The following MAP2 variants were observed in gnomAD, a reference collection of about 807,000 sequenced individuals.
MAP2 encodes microtubule associated protein 2, also known as microtubule-associated protein 2.
A neutral mutation model predicts 137.6 loss-of-function variants in MAP2; 14 were observed. The ratio of observed to expected loss-of-function variants is 0.10; its 90% CI spans 0.07 to 0.16. The LOEUF (loss-of-function observed/expected upper bound fraction) is 0.16. Among genes scored for constraint, MAP2 ranks in the 10% least tolerant of loss-of-function variants. The pLI is 1.00. For missense variants in MAP2, 2,088 were observed against 2,191.5 expected (o/e 0.95, Z 0.94); for synonymous variants, 786 against 782.3 (o/e 1.00, Z -0.08).
intron 2 of MAP2, among the ~76,000 whole-genome samples, chr2:209,510,747 T>G (rs1280870649): frequency 1.3e-5 from 2 of 152,094 alleles, no homozygotes; most frequent in Non-Finnish European, 2.9e-5. Context: ...CATAACTTGT[T>G]TTTAGATAGA....
intron 1 of MAP2, among the ~76,000 whole-genome samples, chr2:209,451,143 C>T (rs1700209911): frequency 6.6e-6 from 1 of 152,082 alleles, no homozygotes; most frequent in Non-Finnish European, 1.5e-5. Context: ...ATATAAGATA[C>T]ACCTAGATAC....
chr2:209,450,087 A>G (rs1233045107), intron 1 of MAP2, among the ~76,000 whole-genome samples: 1 of 152,106 alleles, frequency 6.6e-6, no homozygotes, highest in East Asian at 1.9e-4. Flanking sequence ...GACTACAGAC[A>G]TGTACCACCA....
At chr2:209,605,021 T>C (rs2084219704) in intron 3 of MAP2, among the ~76,000 whole-genome samples, 1 of 152,152 alleles carries the variant, frequency 6.6e-6, no homozygotes, top group African/African-American at 2.4e-5. Context: ...CACTGTGTTT[T>C]AGTTAGTGCA....
intron 10 of MAP2, among the ~76,000 whole-genome samples, chr2:209,699,505 G>A (rs1188587276): frequency 6.6e-6 from 1 of 152,178 alleles, no homozygotes; most frequent in Non-Finnish European, 1.5e-5. Flanking sequence ...CCTCAGGTAA[G>A]TCATCAACCA....
At chr2:209,573,298 G>GTTTT (rs71043941) in intron 2 of MAP2, among the ~76,000 whole-genome samples, 5 of 120,068 alleles carry the variant, frequency 4.2e-5, no homozygotes, top group Admixed American at 8.5e-5. Flanking sequence ...TTCTTTTTCT[G>GTTTT]TTTTTTTTTT....
At chr2:209,633,879 T>C (rs564884145) in intron 4 of MAP2, among the ~76,000 whole-genome samples, 60 of 152,274 alleles carry the variant, frequency 3.9e-4, no homozygotes, top group African/African-American at 1.4e-3. Context: ...AGACAAGACA[T>C]AGACCCTTTG....
chr2:209,584,538 G>A lies in MAP2; in HGVS notation c.-107+4438G>A, dbSNP rs566500274. Among the ~76,000 whole-genome samples the A allele has an allele frequency of 2.0e-5, 3 of 152,238 alleles. No homozygotes were observed. The South Asian group carries it at 6.2e-4, about 32-fold the overall frequency. The stretch of plus-strand genomic sequence containing the variant: ...ATGGCTTTGAATGCCAGTCAAGGAG[G>A]TTTGTTTCTTATTCAGTGGGAAGCT... On this transcript the variant is annotated intron_variant, in intron 3 of 15. Transcript: ENST00000682079.
chr2:209,586,195 C>G (rs1858141), intron 3 of MAP2, among the ~76,000 whole-genome samples: 150,907 of 152,252 alleles, frequency 0.99, 74,798 homozygotes, highest in East Asian at 1. Flanking sequence ...GACTTCAGTG[C>G]GCTTTTGCTG....
intron 2 of MAP2, among the ~76,000 whole-genome samples, chr2:209,523,447 T>C (rs1306244537): frequency 1.3e-5 from 2 of 152,088 alleles, no homozygotes; most frequent in East Asian, 1.9e-4. Context: ...CTGTGTGCCC[T>C]TCTCTATTGC....
At chr2:209,719,562 A>G (rs920641032) in intron 13 of MAP2, among the ~76,000 whole-genome samples, 8 of 152,126 alleles carry the variant, frequency 5.3e-5, no homozygotes, top group South Asian at 2.1e-4. Flanking sequence ...TTCTGTTTCA[A>G]TCCTTTCCTA....
At chr2:209,596,770 A>C (rs1263155021) in intron 3 of MAP2, among the ~76,000 whole-genome samples, 1 of 152,242 alleles carries the variant, frequency 6.6e-6, no homozygotes, top group Non-Finnish European at 1.5e-5. Context: ...GCGCTAACTC[A>C]AAGCGAGTTC....
At chr2:209,712,315 T>C (rs938160346) in intron 13 of MAP2, among the ~76,000 whole-genome samples, 1 of 152,142 alleles carries the variant, frequency 6.6e-6, no homozygotes, top group Admixed American at 6.5e-5. Context: ...CCTTAGAGAT[T>C]ATGGTGGTTA....
rs376506465 is a variant in MAP2, at chr2:209,579,115, A to G, written c.-171-921A>G. On this transcript the variant is annotated intron_variant, in intron 2 of 15. Coordinates refer to ENST00000682079, the MANE Select transcript of MAP2 (RefSeq NM_001375505.1). The stretch of plus-strand genomic sequence containing the variant: ...TTAAAAATATTGTAATTATCTGCCA[A>G]TGACAAAACATCAACAAATCTCTGA... Among the ~76,000 whole-genome samples the G allele has an allele frequency of 1.3e-4, 20 of 152,310 alleles. No individual in the cohort carries two copies. In the East Asian group the frequency reaches 1.9e-3, roughly 15 times the overall value.
At chr2:209,569,681 T>C (rs539277981) in intron 2 of MAP2, among the ~76,000 whole-genome samples, 2 of 151,920 alleles carry the variant, frequency 1.3e-5, no homozygotes, top group African/African-American at 2.4e-5. Context: ...CACACCAAAA[T>C]TTAACTATTA....
rs887244982 is a variant in MAP2 at position 209,693,415 on chromosome 2, A to G, written c.1245A>G (p.Ile415Met). The change falls in exon 8 of 16, where the codon ATA becomes ATG. Residue 415 changes from isoleucine to methionine, a missense_variant. Physicochemically the swap from Ile to Met is conservative, Grantham distance 10. Around this residue, in one of 6 missense-constraint regions of MAP2, gnomAD observed 859 missense variants for 794.5 expected, o/e 1.08. Transcript: ENST00000682079. ...GKVLEEEKEA[I>M]NQETVQQRDT... ...TTTTAGAGGAAGAAAAGGAGGCCAT[A>G]AATCAAGAGACTGTGCAGCAAAGGG... The G allele has an allele frequency of 6.2e-7, 1 of 1,613,220 alleles. No individual in the cohort carries two copies. Among genetic ancestry groups the G allele is most frequent in the Admixed American group, 1.7e-5 (1 of 59,834 alleles).
At chr2:209,553,285 A>T (rs1024782232) in intron 2 of MAP2, among the ~76,000 whole-genome samples, 1 of 152,146 alleles carries the variant, frequency 6.6e-6, no homozygotes, top group Non-Finnish European at 1.5e-5. Context: ...TGCTGGGATT[A>T]CAGGTGTGAG....
chr2:209,479,299 G>A (rs1409065835), intron 1 of MAP2, among the ~76,000 whole-genome samples: 3 of 152,008 alleles, frequency 2.0e-5, no homozygotes, highest in Non-Finnish European at 4.4e-5. Flanking sequence ...GGGTTTTGTT[G>A]AAATTGGCAT....
chr2:209,676,765 A>G lies in MAP2; in HGVS notation c.263-1807A>G, dbSNP rs1449175962. 4.0e-5 allele frequency among the ~76,000 whole-genome samples: 4 copies of G among 99,032 alleles called. No homozygotes were observed. In the South Asian group the frequency reaches 9.3e-4, roughly 23 times the overall value. 65.0% of individuals were successfully genotyped at this position (99,032 alleles called of 152,430 possible). A position where few individuals can be genotyped will look rare whatever the true frequency, so the allele number is the denominator to read the frequency against. ...TATATATATATATATATATATATAT[A>G]TATATATCTCCCAATTTCTGCCATG... is the stretch of plus-strand genomic sequence containing the variant. On this transcript the variant is annotated intron_variant, in intron 5 of 15. Transcript: ENST00000682079.
chr2:209,507,187 T>G (rs2061179282), intron 1 of MAP2, among the ~76,000 whole-genome samples: 1 of 152,110 alleles, frequency 6.6e-6, no homozygotes. Context: ...ACACTAGCAT[T>G]CAGTCTATGG....
Sources: allele counts gnomAD v4.1 joint callset (sites outside exome capture counted in the v4.1 genomes callset), GRCh38; gene constraint gnomAD v4.1.1; regional missense constraint gnomAD v4.1.1; transcripts MANE v1.5; gene names NCBI Gene and HGNC (gene_info 2026-07-23, HGNC 2026-07-21).